TSHZ3: variants seen among roughly 807,000 people sequenced by gnomAD.
The protein encoded by TSHZ3 is teashirt homolog 3.
A neutral mutation model predicts 64.5 loss-of-function variants in TSHZ3; 10 were observed. The observed-to-expected ratio is 0.16, with a 90% CI of 0.10 to 0.26. The LOEUF (loss-of-function observed/expected upper bound fraction) is 0.26, where lower values mean the gene tolerates loss of function less well. Ranked by LOEUF, TSHZ3 falls within the 10% of genes least tolerant of loss-of-function variation. The pLI, the probability that TSHZ3 is intolerant of heterozygous loss-of-function variation, is 1.00. For synonymous variants in TSHZ3, 608 were observed against 593.1 expected (o/e 1.03, Z -0.36); for missense variants, 1,242 against 1,421.7 (o/e 0.87, Z 2.03).
intron 5 of TSHZ3, among the ~76,000 whole-genome samples, chr19:31,177,607 G>A (rs955581676): frequency 1.3e-5 from 2 of 152,222 alleles, no homozygotes; most frequent in Admixed American, 6.5e-5. Context: ...GAAATTCCAC[G>A]ATGAGCTCCT....
chr19:31,158,015 G>A (rs888812858), intron 5 of TSHZ3, among the ~76,000 whole-genome samples: 1 of 152,282 alleles, frequency 6.6e-6, no homozygotes, highest in East Asian at 1.9e-4. Flanking sequence ...TAAAGTTCAG[G>A]CAGAACAATG....
intron 1 of TSHZ3, among the ~76,000 whole-genome samples, chr19:31,268,992 A>G (rs1201415650): frequency 6.6e-6 from 1 of 152,088 alleles, no homozygotes; most frequent in Non-Finnish European, 1.5e-5. Flanking sequence ...CACAGGTGCT[A>G]TCCCCAGTAA....
At chr19:31,325,179 G>A (rs1180058145) in intron 1 of TSHZ3, among the ~76,000 whole-genome samples, 3 of 152,202 alleles carry the variant, frequency 2.0e-5, no homozygotes, top group African/African-American at 4.8e-5. Context: ...CAGGTAATGA[G>A]GATGCCTATG....
At chr19:31,226,701 C>T (rs550542627) in intron 4 of TSHZ3, among the ~76,000 whole-genome samples, 1 of 152,160 alleles carries the variant, frequency 6.6e-6, no homozygotes, top group Admixed American at 6.5e-5. Flanking sequence ...ACTTGAACAC[C>T]CTGTGTTCAA....
At chr19:31,219,104 C>T (rs1975368198) in intron 4 of TSHZ3, among the ~76,000 whole-genome samples, 1 of 152,198 alleles carries the variant, frequency 6.6e-6, no homozygotes, top group Non-Finnish European at 1.5e-5. Flanking sequence ...AAGGGAAGTT[C>T]TTCGAAGCTG....
intron 1 of TSHZ3, among the ~76,000 whole-genome samples, chr19:31,298,728 C>T (rs774367235): frequency 1.3e-5 from 2 of 151,962 alleles, no homozygotes; most frequent in Non-Finnish European, 2.9e-5. Context: ...AAGAGACTGA[C>T]GCTTAGAGAG....
At chr19:31,155,230 T>G (rs1974291472) in intron 6 of TSHZ3, among the ~76,000 whole-genome samples, 1 of 152,176 alleles carries the variant, frequency 6.6e-6, no homozygotes. Flanking sequence ...TGGGACTATG[T>G]TACTTGGACA....
chr19:31,339,539 C>T (rs764025008), intron 1 of TSHZ3, among the ~76,000 whole-genome samples: 6 of 152,284 alleles, frequency 3.9e-5, no homozygotes, highest in East Asian at 1.9e-4. Flanking sequence ...CTTCCCTCCC[C>T]TCCCCGTAGT....
chr19:31,186,672 C>T (rs1187249566), intron 5 of TSHZ3, among the ~76,000 whole-genome samples: 1 of 152,142 alleles, frequency 6.6e-6, no homozygotes, highest in Admixed American at 6.5e-5. Context: ...TTCATTTAGC[C>T]AACAATGTAA....
rs560029026 is a variant in TSHZ3 at position 31,249,117 on chromosome 19, G to A, written n.64-6242C>T. On this transcript the variant is annotated intron_variant and non_coding_transcript_variant, in intron 1 of 6. Transcript: ENST00000651361. ...GGTGAGGGCCTCAAGTACCTGAGAC[G>A]CTAAGAGTAAGCACAGAGTGGGTGA... is the stretch of plus-strand genomic sequence containing the variant. 4.1e-4 allele frequency among the ~76,000 whole-genome samples: 62 copies of A among 151,838 alleles called. No homozygotes were observed. The South Asian group carries it at 0.011, about 26-fold the overall frequency.
intron 4 of TSHZ3, among the ~76,000 whole-genome samples, chr19:31,213,439 A>G (rs932987076): frequency 1.3e-5 from 2 of 149,468 alleles, no homozygotes. Context: ...GGCAGAGCAC[A>G]GAAGATTTTA....
At chr19:31,327,818 A>G (rs1427903300) in intron 1 of TSHZ3, among the ~76,000 whole-genome samples, 1 of 152,210 alleles carries the variant, frequency 6.6e-6, no homozygotes, top group African/African-American at 2.4e-5. Flanking sequence ...AAATGAAACG[A>G]ATTGCACTGG....
intron 4 of TSHZ3, among the ~76,000 whole-genome samples, chr19:31,219,830 G>A (rs1024714353): frequency 6.7e-6 from 1 of 149,296 alleles, no homozygotes; most frequent in African/African-American, 2.4e-5. Flanking sequence ...AAATATATAT[G>A]TATATTCAAA....
chr19:31,278,233 A>G lies in TSHZ3; in HGVS notation c.1560T>C (p.Leu520=), dbSNP rs1266660424. 1 of 1,614,100 alleles carries G rather than the reference A, an allele frequency of 6.2e-7. No homozygotes were observed. Among genetic ancestry groups the G allele is most frequent in the East Asian group, 2.2e-5 (1 of 44,860 alleles). The change falls in exon 2 of 2, where the codon CTT becomes CTC. Residue 520 remains leucine, a synonymous_variant. Transcript: ENST00000240587. This position sits in a 1 kb window ranked among gnomAD's most constrained non-coding sequence, Gnocchi z 4.7. ...NDLEESPKGG[L]DILKSLENTV... ...TGTTTTCCAAGGATTTGAGGATATCAAGCCCCCCCTTGGGACTCTCTTCTA... is the reference window on the plus strand; with the variant it reads ...TGTTTTCCAAGGATTTGAGGATATCGAGCCCCCCCTTGGGACTCTCTTCTA...
At chr19:31,253,943 C>T (rs1975875083) in intron 1 of TSHZ3, among the ~76,000 whole-genome samples, 1 of 152,144 alleles carries the variant, frequency 6.6e-6, no homozygotes, top group Non-Finnish European at 1.5e-5. Flanking sequence ...TCACATCCAG[C>T]TGTCAAAGGC....
At chr19:31,242,026 A>T (rs1203270053) in intron 3 of TSHZ3, among the ~76,000 whole-genome samples, 1 of 152,196 alleles carries the variant, frequency 6.6e-6, no homozygotes, top group African/African-American at 2.4e-5. Flanking sequence ...AACTATATAG[A>T]TAATTAAGTG....
intron 1 of TSHZ3, among the ~76,000 whole-genome samples, chr19:31,347,125 T>C (rs771353965): frequency 2.6e-5 from 4 of 151,702 alleles, no homozygotes; most frequent in Non-Finnish European, 5.9e-5. Context: ...CTATTAGTCC[T>C]GCAGTCAAGT....
chr19:31,290,599 T>C (rs1048728429), intron 1 of TSHZ3, among the ~76,000 whole-genome samples: 11 of 152,144 alleles, frequency 7.2e-5, no homozygotes, highest in African/African-American at 2.7e-4. Context: ...TCTATCCACC[T>C]GGGCACCCGG....
intron 1 of TSHZ3, among the ~76,000 whole-genome samples, chr19:31,288,305 T>C (rs1976501984): frequency 6.6e-6 from 1 of 152,132 alleles, no homozygotes; most frequent in Non-Finnish European, 1.5e-5. Context: ...CTTCAACACA[T>C]GCCTAAGCCC....
Sources: allele counts gnomAD v4.1 joint callset (sites outside exome capture counted in the v4.1 genomes callset), GRCh38; gene constraint gnomAD v4.1.1; non-coding constraint Gnocchi (gnomAD v3.1); transcripts MANE v1.5; gene names NCBI Gene and HGNC (gene_info 2026-07-23, HGNC 2026-07-21).